The following RGS12 variants were observed in gnomAD, a reference collection of about 807,000 sequenced individuals.
RGS12 encodes regulator of G-protein signaling 12.
Under a neutral mutation model 120.1 loss-of-function variants are expected in RGS12, and 66 were observed. The ratio of observed to expected loss-of-function variants is 0.55; its 90% CI spans 0.45 to 0.67. The LOEUF (loss-of-function observed/expected upper bound fraction) is 0.67, where lower values mean the gene tolerates loss of function less well. Among genes scored for constraint, RGS12 ranks in the 30% least tolerant of loss-of-function variants. The pLI, the probability that RGS12 is intolerant of heterozygous loss-of-function variation, is 0.00. For missense variants in RGS12, 1,859 were observed against 1,957.7 expected (o/e 0.95, Z 0.95); for synonymous variants, 827 against 804.7 (o/e 1.03, Z -0.47).
chr4:3,362,053 G>A lies in RGS12; in HGVS notation c.1998+19000G>A, dbSNP rs543537971. Among the ~76,000 whole-genome samples, 159 of 152,338 alleles carry A rather than the reference G, an allele frequency of 1.0e-3. 1 individual carries two copies. Among genetic ancestry groups the A allele is most frequent in the African/African-American group, 3.5e-3 (147 of 41,582 alleles). On this transcript the variant is annotated intron_variant, in intron 3 of 17. Coordinates refer to ENST00000336727, the MANE Select transcript of RGS12 (RefSeq NM_001394154.1). The stretch of plus-strand genomic sequence containing the variant: ...CTCACCCACAGCAGGCTGCGGCCCC[G>A]AGGGGGATGGAGGGCGGCCGTCCGC...
chr4:3,411,605 C>T (rs577153549), intron 4 of RGS12, among the ~76,000 whole-genome samples: 1 of 152,372 alleles, frequency 6.6e-6, no homozygotes, highest in Admixed American at 6.5e-5. Context: ...GAATTCCTGT[C>T]TGTGATGTTT....
At chr4:3,413,939 A>G (rs1170985228) in intron 4 of RGS12, 133 bp from the exon 5 acceptor site, 1 of 863,396 alleles carries the variant, frequency 1.2e-6, no homozygotes, top group Non-Finnish European at 1.7e-6. Context: ...TGCTGTGCAT[A>G]GTTGTTGACT....
upstream of RGS12, among the ~76,000 whole-genome samples, chr4:3,289,062 A>T (rs568741790): frequency 5.9e-5 from 9 of 151,904 alleles, no homozygotes; most frequent in South Asian, 1.7e-3. Context: ...CCGAGGTCCC[A>T]CCTCCCCCTA....
chr4:3,401,354 C>T (rs943491961), intron 4 of RGS12, among the ~76,000 whole-genome samples: 1 of 152,320 alleles, frequency 6.6e-6, no homozygotes, highest in East Asian at 1.9e-4. Context: ...ATATCCCTTT[C>T]AGCCTGTAGT....
chr4:3,423,913 AAAGCAACC>A (rs1723320326), intron 13 of RGS12: 2 of 387,280 alleles, frequency 5.2e-6, no homozygotes, highest in East Asian at 1.1e-4. Context: ...AATGAGAAAC[AAAGCAACC>A]AACCCTGGAC....
In RGS12 at chr4:3,389,265, G is replaced by A. The variant is rs999177100; in HGVS notation, c.2020+2828G>A. ...GTTTGTAGCCAAAGAGTGCCCTCGG[G>A]AAAAAGGGTTACAGCTGGTCTCTGG... On this transcript the variant is annotated intron_variant, in intron 4 of 17. Transcript: ENST00000336727. The surrounding 1 kb of genome is among the most constrained non-coding windows in gnomAD (Gnocchi z 5.2). Among the ~76,000 whole-genome samples, 9 of 152,142 alleles carry A rather than the reference G, an allele frequency of 5.9e-5. No individual in the cohort carries two copies. Among genetic ancestry groups the A allele is most frequent in the African/African-American group, 1.9e-4 (8 of 41,418 alleles).
In RGS12 at chr4:3,303,931, A is replaced by T. The variant is rs138565966; in HGVS notation, c.-102+10832A>T. Among the ~76,000 whole-genome samples, 39 of 152,272 alleles carry T rather than the reference A, an allele frequency of 2.6e-4. No individual in the cohort carries two copies. The East Asian group carries it at 7.3e-3, about 29-fold the overall frequency. ...TACCTCTTATTTCTTTCCCCTAATC[A>T]TTCATGTTTGCCATACTTCTGAATT... On this transcript the variant is annotated intron_variant, in intron 1 of 17. Coordinates refer to ENST00000336727, the MANE Select transcript of RGS12 (RefSeq NM_001394154.1).
intron 1 of RGS12, among the ~76,000 whole-genome samples, chr4:3,298,271 A>G (rs983179508): frequency 6.6e-5 from 10 of 152,036 alleles, no homozygotes; most frequent in African/African-American, 2.4e-4. Context: ...CTCTTTCTGG[A>G]ACTTTTATTT....
intron 3 of RGS12, among the ~76,000 whole-genome samples, chr4:3,378,753 TAAC>T (rs755795396): frequency 7.2e-5 from 11 of 152,154 alleles, no homozygotes; most frequent in African/African-American, 2.4e-4. Flanking sequence ...AGGCAAAAGA[TAAC>T]AAGTGTGGGT....
Position 3,386,405 on chromosome 4 carries a change from T to C in RGS12, c.1999-11T>C. ...CTTAATTAACTCATGTCTCTCTCTCTTTTCTTTCAGTCTGCAACTGTGTCT... is the reference window on the plus strand; with the variant it reads ...CTTAATTAACTCATGTCTCTCTCTCCTTTCTTTCAGTCTGCAACTGTGTCT... On this transcript the variant is annotated splice_polypyrimidine_tract_variant and intron_variant, in intron 3 of 17. Coordinates refer to ENST00000336727, the MANE Select transcript of RGS12 (RefSeq NM_001394154.1). 2 of 1,611,936 alleles carry C rather than the reference T, an allele frequency of 1.2e-6. No homozygotes were observed. The highest frequency in any genetic ancestry group is 1.7e-6 in the Non-Finnish European group (2 of 1,177,986).
intron 1 of RGS12, among the ~76,000 whole-genome samples, chr4:3,296,060 C>T (rs576895698): frequency 6.7e-6 from 1 of 148,920 alleles, no homozygotes; most frequent in East Asian, 1.9e-4. Context: ...CGTTCACCCC[C>T]CTGGTCAGCT....
intron 4 of RGS12, among the ~76,000 whole-genome samples, chr4:3,387,116 C>T (rs1430068392): frequency 2.0e-5 from 3 of 152,218 alleles, no homozygotes; most frequent in Non-Finnish European, 4.4e-5. Flanking sequence ...TGACAGTCCG[C>T]AGGCTCTCGG....
At chr4:3,329,176 A>C (rs1711547354) in intron 2 of RGS12, among the ~76,000 whole-genome samples, 1 of 152,118 alleles carries the variant, frequency 6.6e-6, no homozygotes, top group Admixed American at 6.5e-5. Flanking sequence ...AGAATTGGAG[A>C]GCACCAGGGG....
chr4:3,430,519 C>T lies in RGS12; in HGVS notation c.3678C>T (p.Ser1226=). 6.2e-7 allele frequency: 1 copy of T among 1,613,576 alleles called. No homozygotes were observed. The highest frequency in any genetic ancestry group is 8.5e-7 in the Non-Finnish European group (1 of 1,180,018). ...AGTTCCTCCGTTTACCTCCTGGTTC[C>T]ACAGAACTCACCCTCCCCACTCCAG... is the stretch of plus-strand genomic sequence containing the variant. ...LPEFLRLPPG[S]TELTLPTPAA... is the part of the protein sequence containing the mutation. Residue 1226 remains serine (S), a synonymous_variant, in exon 17 of 18, where the codon TCC becomes TCT. Coordinates refer to ENST00000336727, the MANE Select transcript of RGS12 (RefSeq NM_001394154.1).
intron 4 of RGS12, among the ~76,000 whole-genome samples, chr4:3,410,359 G>T (rs1411813116): frequency 6.6e-6 from 1 of 152,210 alleles, no homozygotes; most frequent in African/African-American, 2.4e-5. Context: ...TGATCATCCA[G>T]CCTGCATGAT....
At chr4:3,293,207 G>C (rs1723142342) in intron 1 of RGS12, 108 bp downstream of exon 1, 1 of 146,302 alleles carries the variant, frequency 6.8e-6, no homozygotes, top group African/African-American at 2.5e-5. Flanking sequence ...GCCGATCCCG[G>C]CCAGCCCTGC....
At chr4:3,408,083 A>T (rs1479810543) in intron 4 of RGS12, among the ~76,000 whole-genome samples, 2 of 152,238 alleles carry the variant, frequency 1.3e-5, no homozygotes, top group Non-Finnish European at 2.9e-5. Context: ...CTTAGATCAC[A>T]AGTGTGGGTT....
In RGS12 at chr4:3,420,665, C is replaced by T; in HGVS notation, c.2785C>T (p.Leu929=). The change falls in exon 10 of 18, where the codon CTG becomes TTG. Residue 929 remains leucine, a synonymous_variant. Coordinates refer to ENST00000336727, the MANE Select transcript of RGS12 (RefSeq NM_001394154.1). ...ADDALHANGG[L]CRRESQGSVS... Reference sequence around the variant, plus strand: ...AGACGCCCTGCATGCCAATGGAGGCCTGTGTCGCCGAGAGTCGCAGGGCTC... The same window carrying T: ...AGACGCCCTGCATGCCAATGGAGGCTTGTGTCGCCGAGAGTCGCAGGGCTC... 6.2e-7 allele frequency: 1 copy of T among 1,613,560 alleles called. No homozygotes were observed. Among genetic ancestry groups the T allele is most frequent in the Non-Finnish European group, 8.5e-7 (1 of 1,180,032 alleles).
At position 3,431,066 on chromosome 4, in the gene RGS12, G is replaced by A. The variant is rs895803095; in HGVS notation, c.4114+111G>A. On this transcript the variant is annotated intron_variant, in intron 17 of 17. Coordinates refer to ENST00000336727, the MANE Select transcript of RGS12 (RefSeq NM_001394154.1). ...CTGCCACTGTTTGCTGGTGGTCTCC[G>A]TGACCCCCTCCTCACCTGCTGGTTG... 50 of 1,480,990 alleles carry A rather than the reference G, an allele frequency of 3.4e-5. No homozygotes were observed. In the South Asian group the frequency reaches 4.0e-4, roughly 12 times the overall value. 91.7% of individuals were successfully genotyped at this position (1,480,990 alleles called of 1,614,324 possible). A position where few individuals can be genotyped will look rare whatever the true frequency, so the allele number is the denominator to read the frequency against.
Sources: allele counts gnomAD v4.1 joint callset (sites outside exome capture counted in the v4.1 genomes callset), GRCh38; gene constraint gnomAD v4.1.1; non-coding constraint Gnocchi (gnomAD v3.1); transcripts MANE v1.5; gene names NCBI Gene and HGNC (gene_info 2026-07-23, HGNC 2026-07-21).